Variants in ALMS1 observed in about 807,000 individuals in gnomAD.
The protein encoded by ALMS1 is centrosome-associated protein ALMS1.
A neutral mutation model predicts 352.2 loss-of-function variants in ALMS1; 271 were observed. That is an observed-to-expected ratio of 0.77 (90% CI 0.70 to 0.85). ALMS1 has a LOEUF of 0.85. Ranked by LOEUF, ALMS1 falls within the 40% of genes least tolerant of loss-of-function variation. The pLI is 0.00. For synonymous variants in ALMS1, 1,865 were observed against 1,761.2 expected (o/e 1.06, Z -1.48); for missense variants, 5,445 against 4,870.7 (o/e 1.12, Z -3.51).
At chr2:73,457,202 T>A (rs1672083481) in intron 9 of ALMS1, 1 of 152,164 alleles carries the variant, frequency 6.6e-6, no homozygotes, top group Non-Finnish European at 1.5e-5. Context: ...ATTCCTATTC[T>A]CATTTCTTGT....
At chr2:73,601,871 G>A (rs1321507723) in intron 19 of ALMS1, among the ~76,000 whole-genome samples, 1 of 152,246 alleles carries the variant, frequency 6.6e-6, no homozygotes, top group African/African-American at 2.4e-5. Context: ...TATTAATGAT[G>A]TATTTGTCTG....
At chr2:73,543,357 A>G (rs1195324004) in intron 12 of ALMS1, among the ~76,000 whole-genome samples, 1 of 152,196 alleles carries the variant, frequency 6.6e-6, no homozygotes, top group African/African-American at 2.4e-5. Context: ...CCTTATACAA[A>G]AATTAATTCA....
intron 11 of ALMS1, among the ~76,000 whole-genome samples, chr2:73,523,004 A>G (rs1673716858): frequency 6.6e-6 from 1 of 152,176 alleles, no homozygotes; most frequent in Admixed American, 6.5e-5. Context: ...CCCTGGTAGA[A>G]TTGTCCCTTT....
At chr2:73,458,395 C>T (rs1454221336) in intron 9 of ALMS1, 1 of 152,026 alleles carries the variant, frequency 6.6e-6, no homozygotes. Flanking sequence ...TCATTCATTC[C>T]AAAAATACAT....
chr2:73,452,208 G>C lies in ALMS1; in HGVS notation c.5681G>C (p.Ser1894Thr), dbSNP rs752778908. The C allele has an allele frequency of 5.0e-6, 8 of 1,613,930 alleles. No homozygotes were observed. Among genetic ancestry groups the C allele is most frequent in the Non-Finnish European group, 6.8e-6 (8 of 1,180,012 alleles). Reference protein sequence around the residue: ...QKTGIQIASSSSYSNREKASI... With the variant: ...QKTGIQIASSTSYSNREKASI... Reference sequence around the variant, plus strand: ...ACTGGGATACAAATAGCATCCTCTAGTTCCTACTCAAATAGAGAGAAGGCC... The same window carrying C: ...ACTGGGATACAAATAGCATCCTCTACTTCCTACTCAAATAGAGAGAAGGCC... The change falls in exon 8 of 23, where the codon AGT becomes ACT. Residue 1894 changes from serine (S) to threonine (T), a missense_variant. Ser to Thr is a moderately conservative substitution (Grantham distance 58, BLOSUM62 1). Coordinates refer to ENST00000613296, the MANE Select transcript of ALMS1 (RefSeq NM_001378454.1).
intron 11 of ALMS1, among the ~76,000 whole-genome samples, chr2:73,530,221 T>A (rs1673880532): frequency 6.6e-6 from 1 of 152,216 alleles, no homozygotes; most frequent in South Asian, 2.1e-4. Flanking sequence ...CTTCTGCCTG[T>A]GAGCCTGTAA....
intron 10 of ALMS1, among the ~76,000 whole-genome samples, chr2:73,502,786 T>A (rs529174195): frequency 6.6e-6 from 1 of 152,276 alleles, no homozygotes; most frequent in Admixed American, 6.5e-5. Flanking sequence ...ACAGCATACA[T>A]CTCCAGTTAT....
chr2:73,404,454 T>TTA (rs1376836400), intron 1 of ALMS1, among the ~76,000 whole-genome samples: 1 of 152,116 alleles, frequency 6.6e-6, no homozygotes, highest in African/African-American at 2.4e-5. Flanking sequence ...TTTCTTCTGT[T>TTA]TATAGTCTGT....
intron 7 of ALMS1, among the ~76,000 whole-genome samples, chr2:73,440,506 C>T (rs1174651911): frequency 6.6e-6 from 1 of 152,124 alleles, no homozygotes; most frequent in African/African-American, 2.4e-5. Context: ...TCACTGAAAC[C>T]TCTGCTTCCG....
chr2:73,512,651 A>AG (rs947912292), intron 10 of ALMS1, among the ~76,000 whole-genome samples: 3 of 152,120 alleles, frequency 2.0e-5, no homozygotes, highest in Non-Finnish European at 2.9e-5. Context: ...TACAAAACCA[A>AG]GTTTTCTTAT....
chr2:73,547,643 A>G (rs1379012292), intron 12 of ALMS1, among the ~76,000 whole-genome samples: 1 of 152,174 alleles, frequency 6.6e-6, no homozygotes, highest in African/African-American at 2.4e-5. Context: ...TGGGTTCAAG[A>G]TCATGCAGGA....
intron 21 of ALMS1, among the ~76,000 whole-genome samples, chr2:73,604,243 CATTT>C (rs1158325106): frequency 2.0e-5 from 3 of 152,026 alleles, no homozygotes; most frequent in Admixed American, 2.0e-4. Context: ...TTAATTAATT[CATTT>C]GAGTGTTGAA....
intron 11 of ALMS1, among the ~76,000 whole-genome samples, chr2:73,523,434 G>A (rs940682637): frequency 1.3e-5 from 2 of 152,054 alleles, no homozygotes; most frequent in Admixed American, 1.3e-4. Context: ...GAATGATAGA[G>A]TTGCCAAAGA....
In ALMS1 at chr2:73,503,087, C is replaced by CT. The variant is rs888220981; in HGVS notation, c.9539+11598dup. Among the ~76,000 whole-genome samples the CT allele has an allele frequency of 8.9e-4, 135 of 151,308 alleles. 1 individual carries two copies. Among genetic ancestry groups the CT allele is most frequent in the African/African-American group, 3.0e-3 (124 of 41,248 alleles). The stretch of plus-strand genomic sequence containing the variant: ...ATTTCTCCAGTTCTCCCAGTAATGT[C>CT]TTTTTTTTTATTTTTATTTTTTTAT... On this transcript the variant is annotated intron_variant, in intron 10 of 22. Coordinates refer to ENST00000613296, the MANE Select transcript of ALMS1 (RefSeq NM_001378454.1).
At position 73,453,272 on chromosome 2, in the gene ALMS1, A is replaced by T. The variant is rs946232848; in HGVS notation, c.6745A>T (p.Ile2249Phe). Reference sequence around the variant, plus strand: ...TTTTAGAGATGTTGGCTCTGAAGAAATCCAGGATGCAGAAAATAGTGCTAA... The same window carrying T: ...TTTTAGAGATGTTGGCTCTGAAGAATTCCAGGATGCAGAAAATAGTGCTAA... ...AGFRDVGSEE[I>F]QDAENSAKTL... The change falls in exon 8 of 23, where the codon ATC (isoleucine) becomes TTC (phenylalanine). Residue 2249 changes from isoleucine to phenylalanine, a missense_variant. Coordinates refer to ENST00000613296, the MANE Select transcript of ALMS1 (RefSeq NM_001378454.1). 2 of 1,614,000 alleles carry T rather than the reference A, an allele frequency of 1.2e-6. No homozygotes were observed. Among genetic ancestry groups the T allele is most frequent in the African/African-American group, 2.7e-5 (2 of 75,038 alleles).
At chr2:73,590,601 G>A (rs570294724) in intron 16 of ALMS1, among the ~76,000 whole-genome samples, 100 of 148,588 alleles carry the variant, frequency 6.7e-4, no homozygotes, top group Admixed American at 7.3e-4. Flanking sequence ...TTCTCTGAAG[G>A]TTTTTTTCCT....
At chr2:73,598,853 C>G (rs1416719447) in intron 16 of ALMS1, among the ~76,000 whole-genome samples, 1 of 152,182 alleles carries the variant, frequency 6.6e-6, no homozygotes, top group Non-Finnish European at 1.5e-5. Context: ...CCTGAAATTG[C>G]CTTCATTGCT....
intron 9 of ALMS1, among the ~76,000 whole-genome samples, chr2:73,478,877 C>T (rs1672637545): frequency 1.3e-5 from 2 of 151,928 alleles, no homozygotes; most frequent in Admixed American, 6.6e-5. Flanking sequence ...GTGTGATGTT[C>T]CCCTCCCTGT....
intron 13 of ALMS1, among the ~76,000 whole-genome samples, chr2:73,556,997 C>T (rs866955215): frequency 2.0e-5 from 3 of 152,098 alleles, no homozygotes; most frequent in Non-Finnish European, 4.4e-5. Flanking sequence ...CCACCCCGCC[C>T]GGCTTTAGAA....
Sources: gnomAD v4.1 joint callset for allele counts (sites outside exome capture counted in the v4.1 genomes callset) on GRCh38, gnomAD v4.1.1 for gene constraint, MANE v1.5 for transcripts, NCBI Gene and HGNC (gene_info 2026-07-23, HGNC 2026-07-21) for gene names.